LRP1B: variants seen among roughly 807,000 people sequenced by gnomAD.
LRP1B encodes LDL receptor related protein 1B.
Under a neutral mutation model 556.6 loss-of-function variants are expected in LRP1B, and 217 were observed. That is an observed-to-expected ratio of 0.39 (90% CI 0.35 to 0.44). The LOEUF (loss-of-function observed/expected upper bound fraction) is 0.44, where lower values mean the gene tolerates loss of function less well. Among genes scored for constraint, LRP1B ranks in the 20% least tolerant of loss-of-function variants. The probability of loss-of-function intolerance (pLI) is 1.00; values close to 1 mark genes in which losing one functional copy is unlikely to be tolerated. For synonymous variants in LRP1B, 2,047 were observed against 1,865.8 expected (o/e 1.10, Z -2.50); for missense variants, 5,053 against 5,620.8 (o/e 0.90, Z 3.23).
chr2:141,904,418 A>C (rs1699700940), intron 1 of LRP1B, among the ~76,000 whole-genome samples: 1 of 151,850 alleles, frequency 6.6e-6, no homozygotes, highest in South Asian at 2.1e-4. Context: ...TATCCTGTAA[A>C]GGTGGTGTGT....
At chr2:140,650,831 A>T (rs1262298919) in intron 41 of LRP1B, among the ~76,000 whole-genome samples, 1 of 152,184 alleles carries the variant, frequency 6.6e-6, no homozygotes, top group Admixed American at 6.5e-5. Context: ...CAATAGTGAG[A>T]GAGATTTCCC....
At chr2:140,922,267 G>A (rs956309638) in intron 21 of LRP1B, among the ~76,000 whole-genome samples, 1 of 144,232 alleles carries the variant, frequency 6.9e-6, no homozygotes, top group Admixed American at 7.2e-5. Context: ...TTCCATTTTG[G>A]TTTCCTATTT....
chr2:141,158,959 T>A (rs901935691), intron 7 of LRP1B, among the ~76,000 whole-genome samples: 30 of 152,154 alleles, frequency 2.0e-4, no homozygotes, highest in African/African-American at 6.8e-4. Context: ...TATAGCCAGT[T>A]TTCACTCCAT....
At chr2:141,698,975 G>T (rs761779183) in intron 2 of LRP1B, among the ~76,000 whole-genome samples, 7 of 151,840 alleles carry the variant, frequency 4.6e-5, no homozygotes, top group Non-Finnish European at 7.4e-5. Flanking sequence ...TGGAGGATGT[G>T]TTAACAGAGT....
chr2:141,622,649 C>G (rs1688544370), intron 2 of LRP1B, among the ~76,000 whole-genome samples: 1 of 152,180 alleles, frequency 6.6e-6, no homozygotes, highest in Non-Finnish European at 1.5e-5. Context: ...TCCACACAGT[C>G]TCTCTGGAAA....
chr2:141,287,296 A>G (rs1040569893), intron 3 of LRP1B, among the ~76,000 whole-genome samples: 1 of 149,630 alleles, frequency 6.7e-6, no homozygotes, highest in Non-Finnish European at 1.5e-5. Context: ...TAGGGCATTA[A>G]TTTTTGACTA....
intron 31 of LRP1B, among the ~76,000 whole-genome samples, chr2:140,817,643 A>G (rs1446193417): frequency 6.6e-6 from 1 of 151,974 alleles, no homozygotes. Context: ...ACAGTATTTC[A>G]TATATTACTG....
chr2:140,527,032 G>A (rs908144495), intron 47 of LRP1B, among the ~76,000 whole-genome samples: 1 of 151,752 alleles, frequency 6.6e-6, no homozygotes, highest in Non-Finnish European at 1.5e-5. Context: ...CTCATGTCAA[G>A]GAACATATAC....
intron 59 of LRP1B, among the ~76,000 whole-genome samples, chr2:140,480,056 G>A (rs766636949): frequency 1.6e-4 from 25 of 152,100 alleles, no homozygotes; most frequent in Non-Finnish European, 2.2e-4. Context: ...AGCAGTCTCC[G>A]TGTTAGGCAC....
chr2:141,112,095 A>AAATAAATAAATT (rs981274808), intron 7 of LRP1B, among the ~76,000 whole-genome samples: 5 of 151,434 alleles, frequency 3.3e-5, no homozygotes, highest in Non-Finnish European at 5.9e-5. Context: ...ATAAATAAAT[A>AAATAAATAAATT]AATTCTACTC....
chr2:141,359,758 G>C (rs1688751977), intron 3 of LRP1B, among the ~76,000 whole-genome samples: 14 of 142,212 alleles, frequency 9.8e-5, no homozygotes, highest in East Asian at 4.2e-4. Flanking sequence ...TTCGGCCCCC[G>C]CGCCCCGCCC....
At chr2:141,553,023 A>T (rs867379949) in intron 2 of LRP1B, among the ~76,000 whole-genome samples, 1 of 142,702 alleles carries the variant, frequency 7.0e-6, no homozygotes, top group South Asian at 2.1e-4. Flanking sequence ...GAGGAAAGGG[A>T]TGATAACTTT....
intron 1 of LRP1B, among the ~76,000 whole-genome samples, chr2:141,983,924 A>G (rs1268368892): frequency 6.6e-6 from 1 of 152,032 alleles, no homozygotes; most frequent in Non-Finnish European, 1.5e-5. Context: ...AGCCGGGCAT[A>G]GTGGCAGGTG....
chr2:142,059,928 T>C (rs1033599414), intron 1 of LRP1B, among the ~76,000 whole-genome samples: 1 of 152,046 alleles, frequency 6.6e-6, no homozygotes, highest in Non-Finnish European at 1.5e-5. Context: ...TTATTTAGAG[T>C]GTTGAATGCC....
At chr2:141,921,252 C>T (rs578247138) in intron 1 of LRP1B, among the ~76,000 whole-genome samples, 3 of 152,090 alleles carry the variant, frequency 2.0e-5, no homozygotes, top group African/African-American at 7.2e-5. Context: ...GAGTAATTCA[C>T]ACTTGTCTTG....
At chr2:141,774,312 C>T (rs935098415) in intron 2 of LRP1B, among the ~76,000 whole-genome samples, 6 of 152,104 alleles carry the variant, frequency 3.9e-5, no homozygotes, top group African/African-American at 1.4e-4. Context: ...GCATCTACTT[C>T]TGGTGAGGCC....
At chr2:141,834,709 G>A (rs1411910152) in intron 1 of LRP1B, among the ~76,000 whole-genome samples, 2 of 151,906 alleles carry the variant, frequency 1.3e-5, no homozygotes, top group Non-Finnish European at 2.9e-5. Flanking sequence ...TTCACAGAGT[G>A]GGTAAGAAGG....
intron 41 of LRP1B, among the ~76,000 whole-genome samples, chr2:140,601,924 C>G (rs780697030): frequency 1.3e-5 from 2 of 152,040 alleles, no homozygotes; most frequent in Non-Finnish European, 2.9e-5. Flanking sequence ...TGGTGGCTCT[C>G]TTTCTTGTAT....
At chr2:141,072,738 A>G (rs1428776437) in intron 7 of LRP1B, among the ~76,000 whole-genome samples, 1 of 151,952 alleles carries the variant, frequency 6.6e-6, no homozygotes, top group Non-Finnish European at 1.5e-5. Flanking sequence ...ACTTCACCTC[A>G]CATCTCTCAA....
Sources: allele counts gnomAD v4.1 joint callset (sites outside exome capture counted in the v4.1 genomes callset), GRCh38; gene constraint gnomAD v4.1.1; transcripts MANE v1.5; gene names NCBI Gene and HGNC (gene_info 2026-07-23, HGNC 2026-07-21).